B3GALT1: variants seen among roughly 807,000 people sequenced by gnomAD.
The protein encoded by B3GALT1 is beta-1,3-galactosyltransferase 1.
In B3GALT1, 10 loss-of-function variants were observed where a neutral mutation model predicts 23.2. The observed-to-expected ratio is 0.43, with a 90% CI of 0.27 to 0.73. The LOEUF is 0.73. B3GALT1 is among the 30% of genes least tolerant of loss of function. The pLI is 0.21. For missense variants in B3GALT1, 299 were observed against 405.4 expected (o/e 0.74, Z 2.25); for synonymous variants, 156 against 141.5 (o/e 1.10, Z -0.73).
At chr2:167,572,720 G>A (rs1684316843) in intron 2 of B3GALT1, among the ~76,000 whole-genome samples, 1 of 151,626 alleles carries the variant, frequency 6.6e-6, no homozygotes, top group South Asian at 2.1e-4. Context: ...CCCTTGATGT[G>A]ATCATTTGGT....
At chr2:167,812,583 C>G (rs902476356) in intron 3 of B3GALT1, among the ~76,000 whole-genome samples, 14 of 152,172 alleles carry the variant, frequency 9.2e-5, no homozygotes, top group African/African-American at 3.4e-4. Context: ...TTAAAAGGCT[C>G]ATGGTATACC....
chr2:167,754,821 C>T (rs932493525), intron 3 of B3GALT1, among the ~76,000 whole-genome samples: 3 of 151,984 alleles, frequency 2.0e-5, no homozygotes, highest in African/African-American at 7.3e-5. Flanking sequence ...TACTCAACAC[C>T]AAAAAACAAA....
intron 1 of B3GALT1, among the ~76,000 whole-genome samples, chr2:167,314,477 C>T (rs2105488502): frequency 6.6e-6 from 1 of 152,230 alleles, no homozygotes; most frequent in South Asian, 2.1e-4. Context: ...CTAATTTGTT[C>T]CAGGAGTTGA....
At chr2:167,467,483 CTTATA>C (rs1699366242) in intron 1 of B3GALT1, among the ~76,000 whole-genome samples, 1 of 152,060 alleles carries the variant, frequency 6.6e-6, no homozygotes, top group Admixed American at 6.6e-5. Context: ...GTTTGTAATC[CTTATA>C]TTATAAACTG....
chr2:167,726,923 A>G (rs1320083191), intron 3 of B3GALT1, among the ~76,000 whole-genome samples: 1 of 152,180 alleles, frequency 6.6e-6, no homozygotes, highest in African/African-American at 2.4e-5. Flanking sequence ...TCACATGCTC[A>G]TTCACCCTTG....
At chr2:167,531,718 C>A (rs945884710) in intron 2 of B3GALT1, among the ~76,000 whole-genome samples, 1 of 152,116 alleles carries the variant, frequency 6.6e-6, no homozygotes, top group African/African-American at 2.4e-5. Context: ...TACTGAGAGT[C>A]GTGTTAACTA....
At chr2:167,571,057 A>G (rs1684285460) in intron 2 of B3GALT1, among the ~76,000 whole-genome samples, 1 of 151,986 alleles carries the variant, frequency 6.6e-6, no homozygotes, top group African/African-American at 2.4e-5. Flanking sequence ...CATTCTGGTG[A>G]AAGGGAGATT....
In B3GALT1 at chr2:167,714,443, A is replaced by C. The variant is rs1374648784; in HGVS notation, c.-352+67477A>C. The C allele has an allele frequency of 4.4e-6, 7 of 1,588,280 alleles. No individual in the cohort carries two copies. The African/African-American group carries it at 9.4e-5, about 21-fold the overall frequency. ...AGGTGAGAGTCTGAGTGGATCCTCCAACAAAGTTTGAGGAGAGAGAAAAGC... is the reference window on the plus strand; with the variant it reads ...AGGTGAGAGTCTGAGTGGATCCTCCCACAAAGTTTGAGGAGAGAGAAAAGC... On this transcript the variant is annotated intron_variant, in intron 3 of 4. Transcript: ENST00000392690.
chr2:167,787,633 G>T (rs1307023819), intron 3 of B3GALT1, among the ~76,000 whole-genome samples: 1 of 152,168 alleles, frequency 6.6e-6, no homozygotes, highest in East Asian at 1.9e-4. Context: ...ATCCATTCTG[G>T]ACATGCCATG....
chr2:167,749,133 A>G (rs1444459892), intron 3 of B3GALT1, among the ~76,000 whole-genome samples: 1 of 152,208 alleles, frequency 6.6e-6, no homozygotes, highest in African/African-American at 2.4e-5. Context: ...CATCCCACAC[A>G]TGTCATATGA....
intron 4 of B3GALT1, among the ~76,000 whole-genome samples, chr2:167,863,951 G>A (rs1437923076): frequency 2.6e-5 from 4 of 151,420 alleles, no homozygotes; most frequent in Admixed American, 6.6e-5. Context: ...AGGAAAAAAG[G>A]TCAGTAGAAA....
intron 2 of B3GALT1, among the ~76,000 whole-genome samples, chr2:167,623,726 A>G (rs1558928093): frequency 6.6e-6 from 1 of 152,106 alleles, no homozygotes; most frequent in African/African-American, 2.4e-5. Context: ...CGTTCTGTGC[A>G]TATATCCCAG....
At chr2:167,606,613 A>G (rs1684965890) in intron 2 of B3GALT1, among the ~76,000 whole-genome samples, 1 of 148,358 alleles carries the variant, frequency 6.7e-6, no homozygotes, top group Non-Finnish European at 1.5e-5. Context: ...AGAGAGATAT[A>G]GAAAAGTTAG....
At chr2:167,454,090 G>A (rs946457360) in intron 1 of B3GALT1, among the ~76,000 whole-genome samples, 8 of 152,036 alleles carry the variant, frequency 5.3e-5, no homozygotes, top group Non-Finnish European at 8.8e-5. Flanking sequence ...GGTTGTATTT[G>A]TATATTTGTA....
intron 1 of B3GALT1, among the ~76,000 whole-genome samples, chr2:167,374,660 G>C (rs1046484885): frequency 3.3e-5 from 5 of 151,982 alleles, no homozygotes; most frequent in Admixed American, 1.3e-4. Context: ...GTCTTCTTTT[G>C]AGCAGTTTAT....
intron 1 of B3GALT1, among the ~76,000 whole-genome samples, chr2:167,436,243 G>A (rs893507717): frequency 1.3e-5 from 2 of 152,024 alleles, no homozygotes; most frequent in African/African-American, 4.8e-5. Context: ...CCTCTCCTAC[G>A]ACTTCTTACT....
In B3GALT1 at chr2:167,505,886, C is replaced by G. The variant is rs1699909692; in HGVS notation, c.-410+15609C>G. Among the ~76,000 whole-genome samples, 2 of 151,988 alleles carry G rather than the reference C, an allele frequency of 1.3e-5. 1 individual carries two copies. Among genetic ancestry groups the G allele is most frequent in the South Asian group, 4.2e-4 (2 of 4,802 alleles). On this transcript the variant is annotated intron_variant, in intron 2 of 4. Coordinates refer to ENST00000392690, the MANE Select transcript of B3GALT1 (RefSeq NM_020981.4). ...ACCAGCCTGCCCAACCTGGTGAAAC[C>G]CTGTCTCTACCAAAAATACAAAAAT...
intron 3 of B3GALT1, among the ~76,000 whole-genome samples, chr2:167,804,041 G>A (rs1242909938): frequency 6.6e-6 from 1 of 152,148 alleles, no homozygotes; most frequent in Non-Finnish European, 1.5e-5. Flanking sequence ...TGCTGCCCAG[G>A]CTGGAGTACA....
intron 1 of B3GALT1, among the ~76,000 whole-genome samples, chr2:167,413,787 T>G (rs2689855): frequency 0.93 from 141,651 of 151,856 alleles, 66,538 homozygotes; most frequent in Non-Finnish European, 0.99. Context: ...TTTTATTAGG[T>G]TTTTTTCCTG....
Sources: allele counts gnomAD v4.1 joint callset (sites outside exome capture counted in the v4.1 genomes callset), GRCh38; gene constraint gnomAD v4.1.1; transcripts MANE v1.5; gene names NCBI Gene and HGNC (gene_info 2026-07-23, HGNC 2026-07-21).